The following THSD7B variants were observed in gnomAD, a reference collection of about 807,000 sequenced individuals.
THSD7B encodes thrombospondin type-1 domain-containing protein 7B.
A neutral mutation model predicts 213.6 loss-of-function variants in THSD7B; 138 were observed. That is an observed-to-expected ratio of 0.65 (90% CI 0.56 to 0.74). The LOEUF is 0.74. THSD7B is among the 30% of genes least tolerant of loss of function. THSD7B has a pLI of 0.00. For missense variants in THSD7B, 1,931 were observed against 1,991.5 expected, an observed-to-expected ratio of 0.97 and a Z score of 0.58; for synonymous variants, 742 against 687.0, an observed-to-expected ratio of 1.08 and a Z score of -1.25.
At chr2:137,594,087 G>T (rs1681914184) in intron 17 of THSD7B, among the ~76,000 whole-genome samples, 1 of 151,970 alleles carries the variant, frequency 6.6e-6, no homozygotes, top group Non-Finnish European at 1.5e-5. Flanking sequence ...GAACTGAAAA[G>T]GGAAAGAAGC....
At chr2:137,654,797 A>C (rs1339683163) in intron 21 of THSD7B, among the ~76,000 whole-genome samples, 1 of 152,164 alleles carries the variant, frequency 6.6e-6, no homozygotes, top group Non-Finnish European at 1.5e-5. Flanking sequence ...GCTTGCTTCT[A>C]TGCTGACATT....
At position 137,557,860 on chromosome 2, in the gene THSD7B, C is replaced by G. The variant is rs555842995; in HGVS notation, c.3139-5361C>G. On this transcript the variant is annotated intron_variant, in intron 15 of 27. Coordinates refer to ENST00000409968, the MANE Select transcript of THSD7B (RefSeq NM_001316349.2). ...AAAACAGAGAAGAATCAAATAGACG[C>G]AATAAAAAATGATAAGGGATATCAC... 2.6e-5 allele frequency among the ~76,000 whole-genome samples: 4 copies of G among 152,164 alleles called. No individual in the cohort carries two copies. The South Asian group carries it at 8.3e-4, about 32-fold the overall frequency.
chr2:136,945,693 T>C (rs1012379047), intron 2 of THSD7B, among the ~76,000 whole-genome samples: 2 of 152,062 alleles, frequency 1.3e-5, no homozygotes, highest in Non-Finnish European at 2.9e-5. Flanking sequence ...TTCTCTAAAC[T>C]TCTCTTCTTG....
At chr2:136,807,652 G>A (rs1052993957) in intron 1 of THSD7B, among the ~76,000 whole-genome samples, 24 of 151,724 alleles carry the variant, frequency 1.6e-4, no homozygotes, top group African/African-American at 4.6e-4. Flanking sequence ...GACTACAGGC[G>A]CCCGCCACCA....
chr2:136,967,353 C>T lies in THSD7B; in HGVS notation c.139+85036C>T, dbSNP rs147131402. 5.9e-5 allele frequency among the ~76,000 whole-genome samples: 9 copies of T among 152,250 alleles called. No individual in the cohort carries two copies. The East Asian group carries it at 7.7e-4, about 13-fold the overall frequency. On this transcript the variant is annotated intron_variant, in intron 2 of 27. Coordinates refer to ENST00000409968, the MANE Select transcript of THSD7B (RefSeq NM_001316349.2). Reference sequence around the variant, plus strand: ...ATCCTACCAATCACCTGAATAAAATCGTGAAGACATTCATTTCTCCTCGTT... The same window carrying T: ...ATCCTACCAATCACCTGAATAAAATTGTGAAGACATTCATTTCTCCTCGTT...
At chr2:137,560,635 A>T (rs1231696661) in intron 15 of THSD7B, among the ~76,000 whole-genome samples, 2 of 152,148 alleles carry the variant, frequency 1.3e-5, no homozygotes, top group African/African-American at 2.4e-5. Flanking sequence ...TGGGTGCAGC[A>T]CACCAACATG....
chr2:137,077,436 T>C (rs4465821), intron 3 of THSD7B, among the ~76,000 whole-genome samples: 29,652 of 151,824 alleles, frequency 0.2, 4,342 homozygotes, highest in African/African-American at 0.41. Context: ...GTTTACATTC[T>C]CACCAACAGT....
At chr2:136,954,435 G>A (rs535755929) in intron 2 of THSD7B, among the ~76,000 whole-genome samples, 2 of 152,082 alleles carry the variant, frequency 1.3e-5, no homozygotes, top group Admixed American at 1.3e-4. Flanking sequence ...AAGAAATTAC[G>A]GCCGGGCGCG....
chr2:137,499,446 TA>T (rs1158410914), intron 15 of THSD7B, among the ~76,000 whole-genome samples: 1 of 152,170 alleles, frequency 6.6e-6, no homozygotes, highest in Non-Finnish European at 1.5e-5. Flanking sequence ...ATAAGCAAAG[TA>T]ACAAAATAAT....
chr2:137,598,603 G>A (rs1379629453), intron 17 of THSD7B, among the ~76,000 whole-genome samples: 4 of 152,150 alleles, frequency 2.6e-5, no homozygotes, highest in Non-Finnish European at 5.9e-5. Context: ...AGGGTTACAC[G>A]TTTCCCTATA....
chr2:137,306,202 T>A (rs1004943929), intron 12 of THSD7B, among the ~76,000 whole-genome samples: 5 of 152,106 alleles, frequency 3.3e-5, no homozygotes, highest in African/African-American at 1.2e-4. Context: ...CATTGTGCTG[T>A]GATGTTAGGA....
chr2:136,818,777 A>AT (rs964180133), intron 1 of THSD7B, among the ~76,000 whole-genome samples: 8 of 151,312 alleles, frequency 5.3e-5, no homozygotes, highest in East Asian at 3.9e-4. Context: ...CTCATTTCTA[A>AT]TTTTTTTTTC....
intron 1 of THSD7B, among the ~76,000 whole-genome samples, chr2:136,838,995 C>T (rs191254205): frequency 2.6e-5 from 4 of 152,260 alleles, no homozygotes; most frequent in African/African-American, 9.6e-5. Flanking sequence ...TTAGCTTCAC[C>T]ATGCTGGACA....
intron 3 of THSD7B, among the ~76,000 whole-genome samples, chr2:137,068,930 A>G (rs1339864781): frequency 6.6e-6 from 1 of 152,086 alleles, no homozygotes; most frequent in East Asian, 1.9e-4. Flanking sequence ...AGGACACGAC[A>G]GAGCTTTAAT....
intron 11 of THSD7B, among the ~76,000 whole-genome samples, chr2:137,274,255 G>A (rs1682819027): frequency 6.6e-6 from 1 of 152,038 alleles, no homozygotes; most frequent in South Asian, 2.1e-4. Flanking sequence ...GGTATGTTAG[G>A]GAGGAAGTTG....
intron 5 of THSD7B, among the ~76,000 whole-genome samples, chr2:137,151,997 G>A (rs1436399691): frequency 7.8e-6 from 1 of 128,658 alleles, no homozygotes; most frequent in Non-Finnish European, 1.6e-5. Flanking sequence ...CAGTTTCAAA[G>A]CTACCTTAAT....
intron 12 of THSD7B, among the ~76,000 whole-genome samples, chr2:137,373,294 A>G (rs534523497): frequency 6.6e-6 from 1 of 152,282 alleles, no homozygotes; most frequent in Non-Finnish European, 1.5e-5. Flanking sequence ...CAATGGTTGA[A>G]CTAGTTTACA....
chr2:136,936,028 C>T (rs564590363), intron 2 of THSD7B, among the ~76,000 whole-genome samples: 42 of 148,832 alleles, frequency 2.8e-4, no homozygotes, highest in Admixed American at 1.7e-3. Flanking sequence ...TATATATAGT[C>T]GAGGCCCTCT....
chr2:137,365,552 TCAAA>T (rs368466979), intron 12 of THSD7B, among the ~76,000 whole-genome samples: 5,095 of 151,770 alleles, frequency 0.034, 116 homozygotes, highest in Non-Finnish European at 0.047. Context: ...CAAGAAAAAA[TCAAA>T]CAACCCATCA....
Sources: allele counts gnomAD v4.1 joint callset (sites outside exome capture counted in the v4.1 genomes callset), GRCh38; gene constraint gnomAD v4.1.1; transcripts MANE v1.5; gene names NCBI Gene and HGNC (gene_info 2026-07-23, HGNC 2026-07-21).